LDB1: variants seen among roughly 807,000 people sequenced by gnomAD.
LDB1 encodes the protein LIM domain-binding protein 1.
A neutral mutation model predicts 49.7 loss-of-function variants in LDB1; 6 were observed. That is an observed-to-expected ratio of 0.12 (90% CI 0.07 to 0.24). LDB1 has a LOEUF of 0.24. Among genes scored for constraint, LDB1 ranks in the 10% least tolerant of loss-of-function variants. The pLI is 1.00. For synonymous variants in LDB1, 233 were observed against 202.0 expected (o/e 1.15, Z -1.30); for missense variants, 341 against 561.7 (o/e 0.61, Z 3.97).
intron 10 of LDB1, 112 bp from the exon 11 acceptor site, chr10:102,108,435 C>T (rs1356277247): frequency 2.7e-6 from 2 of 743,334 alleles, no homozygotes; most frequent in African/African-American, 3.5e-5. Flanking sequence ...GAGTCCCCAC[C>T]CCCTCCTCAT....
chr10:102,105,799 TAAA>T (rs1158468815), downstream of LDB1, among the ~76,000 whole-genome samples: 3 of 100,942 alleles, frequency 3.0e-5, no homozygotes. Context: ...CTATCTCTAC[TAAA>T]AAAAAAAAAA....
chr10:102,111,650 G>T, intron 1 of LDB1, 114 bp from the exon 2 acceptor site: 1 of 605,636 alleles, frequency 1.7e-6, no homozygotes. Flanking sequence ...GAGGCTGCAG[G>T]GACCAGCCTA....
chr10:102,110,440 C>A, intron 6 of LDB1, 89 bp downstream of exon 6: 1 of 1,364,878 alleles, frequency 7.3e-7, no homozygotes. Context: ...TTATGCCTCC[C>A]TGGGGAACAG....
intron 1 of LDB1, among the ~76,000 whole-genome samples, chr10:102,114,046 TG>T (rs1046298720): frequency 1.3e-5 from 2 of 152,022 alleles, no homozygotes; most frequent in Non-Finnish European, 2.9e-5. Flanking sequence ...GGCAGCAAGG[TG>T]GGGGGACGGA....
intron 1 of LDB1, among the ~76,000 whole-genome samples, chr10:102,112,662 TTTCTC>T (rs1309122344): frequency 1.5e-5 from 2 of 137,922 alleles, no homozygotes; most frequent in African/African-American, 2.7e-5. Context: ...CTCAACCCCT[TTTCTC>T]TTCTGAGACT....
chr10:102,105,687 C>T (rs1052191434), downstream of LDB1, among the ~76,000 whole-genome samples: 1 of 151,330 alleles, frequency 6.6e-6, no homozygotes, highest in Non-Finnish European at 1.5e-5. Flanking sequence ...GCTGACCGGG[C>T]AGAGTGGACC....
chr10:102,114,750 T>G, intron 1 of LDB1: 1 of 849,108 alleles, frequency 1.2e-6, no homozygotes, highest in Non-Finnish European at 1.4e-6. Flanking sequence ...CTCTTTCCTC[T>G]CTCCTCCTCC....
downstream of LDB1, among the ~76,000 whole-genome samples, chr10:102,103,470 A>G (rs2068133881): frequency 1.3e-5 from 2 of 152,024 alleles, no homozygotes; most frequent in South Asian, 4.2e-4. Context: ...CCTCCCAAGT[A>G]GCTGGGACTA....
intron 1 of LDB1, chr10:102,114,346 C>T (rs2068300531): frequency 3.0e-6 from 3 of 986,250 alleles, no homozygotes; most frequent in African/African-American, 3.5e-5. Flanking sequence ...AGATCAGGCC[C>T]GGGCCGGGCT....
intron 10 of LDB1, 88 bp downstream of exon 10, chr10:102,108,941 T>C (rs751760149): frequency 6.5e-7 from 1 of 1,548,168 alleles, no homozygotes; most frequent in Non-Finnish European, 8.9e-7. Flanking sequence ...TCTTTGCTTC[T>C]ACGCCTGCTA....
chr10:102,112,099 C>G (rs1001511232), intron 1 of LDB1, among the ~76,000 whole-genome samples: 2 of 152,184 alleles, frequency 1.3e-5, no homozygotes, highest in African/African-American at 4.8e-5. Flanking sequence ...CTTCATTTGG[C>G]TGAGTCCTAG....
chr10:102,118,463 A>G (rs1285621788), intron 1 of LDB1, among the ~76,000 whole-genome samples: 1 of 149,218 alleles, frequency 6.7e-6, no homozygotes, highest in Non-Finnish European at 1.5e-5. Flanking sequence ...TCCTGTTCCC[A>G]TGCTGCTCCC....
downstream of LDB1, among the ~76,000 whole-genome samples, chr10:102,106,110 C>T (rs1272806411): frequency 6.6e-6 from 1 of 152,080 alleles, no homozygotes; most frequent in East Asian, 1.9e-4. Flanking sequence ...GGCCAAGTCC[C>T]CTCTCCCACC....
chr10:102,117,061 C>T lies in LDB1; in HGVS notation c.25+3025G>A, dbSNP rs1389078138. ...ACTTCTAAACCCACCAGATACAAGC[C>T]AAGCCCTGCAGCCATTCCTACTCCC... On this transcript the variant is annotated intron_variant, in intron 1 of 10. Transcript: ENST00000673968. The surrounding 1 kb of genome is among the most constrained non-coding windows in gnomAD (Gnocchi z 4.2). Among the ~76,000 whole-genome samples the T allele has an allele frequency of 6.6e-6, 1 of 152,114 alleles. No individual in the cohort carries two copies. The highest frequency in any genetic ancestry group is 1.5e-5 in the Non-Finnish European group (1 of 68,018).
intron 1 of LDB1, among the ~76,000 whole-genome samples, chr10:102,113,619 C>T (rs963376523): frequency 6.6e-6 from 1 of 152,136 alleles, no homozygotes; most frequent in Non-Finnish European, 1.5e-5. Context: ...TCAGACCTGG[C>T]CCTCATCCCC....
chr10:102,102,546 C>T (rs1195726511), downstream of LDB1, among the ~76,000 whole-genome samples: 2 of 152,108 alleles, frequency 1.3e-5, no homozygotes, highest in Admixed American at 6.5e-5. Flanking sequence ...GGAAATGGGT[C>T]CTGAAATCAG....
At chr10:102,103,271 A>G (rs1354506983), downstream of LDB1, among the ~76,000 whole-genome samples, 1 of 151,894 alleles carries the variant, frequency 6.6e-6, no homozygotes, top group African/African-American at 2.4e-5. Context: ...CAGGTGATCA[A>G]CCTGCCTCGG....
At chr10:102,114,812 G>GGGGCCCCCCCCC in intron 1 of LDB1, 155 of 929,678 alleles carry the variant, frequency 1.7e-4, no homozygotes, top group South Asian at 3.0e-4. Flanking sequence ...CCTCCGAGCA[G>GGGGCCCCCCCCC]CCCGCCCGCC....
chr10:102,103,074 G>T (rs2068131319), downstream of LDB1, among the ~76,000 whole-genome samples: 1 of 152,200 alleles, frequency 6.6e-6, no homozygotes. Flanking sequence ...TTGTTGTTCA[G>T]GCTGGAGTGC....
Sources: allele counts gnomAD v4.1 joint callset (sites outside exome capture counted in the v4.1 genomes callset), GRCh38; gene constraint gnomAD v4.1.1; non-coding constraint Gnocchi (gnomAD v3.1); transcripts MANE v1.5; gene names NCBI Gene and HGNC (gene_info 2026-07-23, HGNC 2026-07-21).